Variants in DMXL2 observed in about 807,000 individuals in gnomAD.
DMXL2 encodes the protein dmX-like protein 2.
Under a neutral mutation model 331.1 loss-of-function variants are expected in DMXL2, and 103 were observed. That is an observed-to-expected ratio of 0.31 (90% confidence interval 0.27 to 0.37). The LOEUF is 0.37. Ranked by LOEUF, DMXL2 falls within the 10% of genes least tolerant of loss-of-function variation. The pLI, the probability that DMXL2 is intolerant of heterozygous loss-of-function variation, is 1.00. For missense variants in DMXL2, 3,171 were observed against 3,642.9 expected (o/e 0.87, Z 3.33); for synonymous variants, 1,281 against 1,252.1 (o/e 1.02, Z -0.49).
rs1286715544 is a variant in DMXL2, at chr15:51,481,087, C to T, written c.6019G>A (p.Asp2007Asn). The T allele has an allele frequency of 4.3e-6, 7 of 1,613,492 alleles. No individual in the cohort carries two copies. Among genetic ancestry groups the T allele is most frequent in the African/African-American group, 1.3e-5 (1 of 75,004 alleles). The change falls in exon 24 of 44, where the codon GAT (aspartate) becomes AAT (asparagine). Residue 2007 changes from aspartate (D) to asparagine (N), a missense_variant. This residue lies in a region of DMXL2 where 244 missense variants were observed against 251.4 expected (regional missense o/e 0.97). Transcript: ENST00000560891. ...GAGGCCTTCTGATCTGATTGTTTAT[C>T]TTTTTCCCTGGCATCTGTACTTTTC... ...VMKSTDAREK[D>N]KQSDQKASDP... is the part of the protein sequence containing the mutation.
At chr15:51,516,363 A>G (rs1328746336) in intron 14 of DMXL2, among the ~76,000 whole-genome samples, 1 of 152,208 alleles carries the variant, frequency 6.6e-6, no homozygotes, top group African/African-American at 2.4e-5. Context: ...ATTAAAAAGT[A>G]TATGTCCACT....
chr15:51,475,367 G>A (rs771440267), intron 27 of DMXL2, among the ~76,000 whole-genome samples: 6 of 152,088 alleles, frequency 3.9e-5, no homozygotes, highest in Non-Finnish European at 5.9e-5. Context: ...GGTGTTATGC[G>A]TCTATAGTCC....
At chr15:51,569,482 G>A (rs2050515351) in intron 2 of DMXL2, among the ~76,000 whole-genome samples, 1 of 152,152 alleles carries the variant, frequency 6.6e-6, no homozygotes. Flanking sequence ...CTCTGATACA[G>A]GACAGACTGC....
chr15:51,463,433 G>T lies in DMXL2; in HGVS notation c.7872C>A (p.Val2624=). 6.3e-7 allele frequency: 1 copy of T among 1,599,636 alleles called. No homozygotes were observed. The highest frequency in any genetic ancestry group is 8.5e-7 in the Non-Finnish European group (1 of 1,174,644). Residue 2624 remains valine (V), a synonymous_variant, in exon 33 of 44, where the codon GTC becomes GTA. Transcript: ENST00000560891. ...RLWHFLVKQE[V]LQETFIRYIF... ...TATATCTAATAAATGTCTCTTGAAG[G>T]ACCTCTTGTTTAACAAGGAAATGCC...
chr15:51,451,749 C>A, intron 41 of DMXL2, 52 bp from the exon 42 acceptor site: 1 of 1,483,152 alleles, frequency 6.7e-7, no homozygotes, highest in South Asian at 1.2e-5. Context: ...TGTTATAAGT[C>A]GTCATCAGGG....
chr15:51,576,621 C>T (rs543761824), intron 1 of DMXL2, among the ~76,000 whole-genome samples: 12 of 152,210 alleles, frequency 7.9e-5, no homozygotes, highest in Non-Finnish European at 1.5e-4. Flanking sequence ...ATGCATTTTC[C>T]AACACAATTC....
At chr15:51,597,277 T>TA (rs2052892279) in intron 1 of DMXL2, among the ~76,000 whole-genome samples, 1 of 152,174 alleles carries the variant, frequency 6.6e-6, no homozygotes, top group African/African-American at 2.4e-5. Context: ...CCTTCCAAAT[T>TA]ACACTTCTCC....
At chr15:51,600,164 T>C (rs1009424450) in intron 1 of DMXL2, among the ~76,000 whole-genome samples, 9 of 152,214 alleles carry the variant, frequency 5.9e-5, no homozygotes, top group Non-Finnish European at 2.9e-5. Flanking sequence ...ACTTTCTCAT[T>C]CAAGAATCAG....
chr15:51,573,576 C>G (rs2141115058), intron 2 of DMXL2, among the ~76,000 whole-genome samples: 1 of 152,238 alleles, frequency 6.6e-6, no homozygotes, highest in South Asian at 2.1e-4. Flanking sequence ...AACCATTATT[C>G]TCTGCAAACT....
intron 13 of DMXL2, among the ~76,000 whole-genome samples, chr15:51,531,943 C>T (rs981993506): frequency 2.6e-5 from 4 of 152,112 alleles, no homozygotes. Flanking sequence ...ATTAGTACAA[C>T]CATGATAGAG....
At chr15:51,525,625 T>A (rs913991988) in intron 13 of DMXL2, among the ~76,000 whole-genome samples, 21 of 152,152 alleles carry the variant, frequency 1.4e-4, no homozygotes, top group African/African-American at 5.1e-4. Context: ...AAAGAGCTCC[T>A]GATCCTTAAG....
chr15:51,527,675 T>C (rs1311647380), intron 13 of DMXL2, among the ~76,000 whole-genome samples: 1 of 150,706 alleles, frequency 6.6e-6, no homozygotes, highest in East Asian at 2.0e-4. Flanking sequence ...TGAGCCGAGA[T>C]GGTGCCACTG....
intron 37 of DMXL2, 133 bp downstream of exon 37, chr15:51,457,195 G>T: frequency 1.1e-6 from 1 of 945,982 alleles, no homozygotes. Context: ...CACAATAAAT[G>T]TCAGCTGTCA....
intron 1 of DMXL2, among the ~76,000 whole-genome samples, chr15:51,614,001 T>C (rs1283737812): frequency 6.6e-6 from 1 of 152,180 alleles, no homozygotes; most frequent in African/African-American, 2.4e-5. Flanking sequence ...CCAAAATTCA[T>C]AGCTTGAAAC....
chr15:51,466,749 A>C (rs932833141), intron 29 of DMXL2, among the ~76,000 whole-genome samples: 1 of 152,088 alleles, frequency 6.6e-6, no homozygotes, highest in Non-Finnish European at 1.5e-5. Flanking sequence ...GTAATTCTTT[A>C]TAAGTTAATT....
chr15:51,552,465 C>T (rs1413541763), intron 6 of DMXL2, among the ~76,000 whole-genome samples: 1 of 152,170 alleles, frequency 6.6e-6, no homozygotes, highest in Non-Finnish European at 1.5e-5. Flanking sequence ...TTTATGATTC[C>T]ACAAAAGTTT....
Position 51,481,398 on chromosome 15 carries a change from T to C in DMXL2, c.5708A>G (p.Glu1903Gly). The C allele has an allele frequency of 6.2e-7, 1 of 1,613,152 alleles. No homozygotes were observed. Among genetic ancestry groups the C allele is most frequent in the East Asian group, 2.2e-5 (1 of 44,872 alleles). Residue 1903 changes from glutamate to glycine, a missense_variant, in exon 24 of 44, where the codon GAG becomes GGG. This residue lies in a region of DMXL2 where 244 missense variants were observed against 251.4 expected (regional missense o/e 0.97). Coordinates refer to ENST00000560891, the MANE Select transcript of DMXL2 (RefSeq NM_001378457.1). Reference protein sequence around the residue: ...FKVGCPVLALEVLSKIPKVTK... With the variant: ...FKVGCPVLALGVLSKIPKVTK... ...TACTTTTGGAATTTTGGAGAGTACC[T>C]CCAAGGCTAAAACAGGGCATCCAAC...
At chr15:51,609,329 T>A (rs1167816663) in intron 1 of DMXL2, among the ~76,000 whole-genome samples, 1 of 152,240 alleles carries the variant, frequency 6.6e-6, no homozygotes, top group African/African-American at 2.4e-5. Flanking sequence ...GTGAAAGTTC[T>A]AGTGAACACA....
intron 6 of DMXL2, among the ~76,000 whole-genome samples, chr15:51,559,720 T>TA (rs956969844): frequency 1.3e-5 from 2 of 151,932 alleles, no homozygotes; most frequent in African/African-American, 4.8e-5. Context: ...ACTCTGTCTC[T>TA]AAAAAAACAA....
Sources: gnomAD v4.1 joint callset for allele counts (sites outside exome capture counted in the v4.1 genomes callset) on GRCh38, gnomAD v4.1.1 for gene constraint, gnomAD v4.1.1 regional missense constraint, MANE v1.5 for transcripts, NCBI Gene and HGNC (gene_info 2026-07-23, HGNC 2026-07-21) for gene names.